Variants in TGM3 observed in about 807,000 individuals in gnomAD.
The protein encoded by TGM3 is transglutaminase 3, also known as protein-glutamine gamma-glutamyltransferase E.
A neutral mutation model predicts 73.8 loss-of-function variants in TGM3; 52 were observed. The ratio of observed to expected loss-of-function variants is 0.70; its 90% CI spans 0.56 to 0.89. The LOEUF (loss-of-function observed/expected upper bound fraction) is 0.89, where lower values mean the gene tolerates loss of function less well. Among genes scored for constraint, TGM3 ranks in the 40% least tolerant of loss-of-function variants. The pLI, the probability that TGM3 is intolerant of heterozygous loss-of-function variation, is 0.00. For synonymous variants in TGM3, 372 were observed against 354.9 expected (o/e 1.05, Z -0.54); for missense variants, 928 against 909.9 (o/e 1.02, Z -0.26).
intron 7 of TGM3, among the ~76,000 whole-genome samples, chr20:2,319,577 C>G (rs373079340): frequency 2.6e-5 from 4 of 152,312 alleles, no homozygotes; most frequent in South Asian, 2.1e-4. Flanking sequence ...CTTAACATCA[C>G]CTTTGGGACA....
At position 2,310,395 on chromosome 20, in the gene TGM3, G is replaced by A. The variant is rs2084197499; in HGVS notation, c.399G>A (p.Leu133=). 1 of 1,614,086 alleles carries A rather than the reference G, an allele frequency of 6.2e-7. No homozygotes were observed. The highest frequency in any genetic ancestry group is 1.7e-5 in the Admixed American group (1 of 60,016). Residue 133 remains leucine, a synonymous_variant, in exon 3 of 13, where the codon CTG becomes CTA. Transcript: ENST00000381458. ...CTGTGAAACTTGGGACGTTCATACT[G>A]CTTTTTAACCCCTGGCTGAATGGTA... is the stretch of plus-strand genomic sequence containing the variant. The part of the protein sequence containing the change: ...ISSVKLGTFI[L]LFNPWLNVDS...
chr20:2,325,476 G>A (rs983611504), intron 7 of TGM3, among the ~76,000 whole-genome samples: 1 of 152,178 alleles, frequency 6.6e-6, no homozygotes, highest in Admixed American at 6.5e-5. Context: ...AGCTGTGTGG[G>A]TTTGCCCCTG....
chr20:2,319,630 T>C (rs567011509), intron 7 of TGM3, among the ~76,000 whole-genome samples: 5 of 152,182 alleles, frequency 3.3e-5, no homozygotes, highest in African/African-American at 1.2e-4. Flanking sequence ...TCTGTGGTCA[T>C]TTCTGTGGCC....
At chr20:2,337,968 A>G (rs1018052471) in intron 11 of TGM3, among the ~76,000 whole-genome samples, 1 of 152,154 alleles carries the variant, frequency 6.6e-6, no homozygotes, top group Non-Finnish European at 1.5e-5. Flanking sequence ...ATGACTCCTG[A>G]TCTTCCTTCT....
chr20:2,317,262 G>A lies in TGM3; in HGVS notation c.847+17G>A, dbSNP rs756238647. ...TCAACACAGGTACCTTGGGTGTGGT[G>A]TGCCTTGGCTGGGTCAGTGGGTGGC... is the stretch of plus-strand genomic sequence containing the variant. On this transcript the variant is annotated intron_variant, in intron 6 of 12. Coordinates refer to ENST00000381458, the MANE Select transcript of TGM3 (RefSeq NM_003245.4). The A allele has an allele frequency of 1.9e-6, 3 of 1,613,910 alleles. No individual in the cohort carries two copies. Among genetic ancestry groups the A allele is most frequent in the Non-Finnish European group, 2.5e-6 (3 of 1,179,816 alleles).
At chr20:2,340,339 G>A in intron 12 of TGM3, 95 bp from the exon 13 acceptor site, 5 of 1,538,058 alleles carry the variant, frequency 3.3e-6, no homozygotes, top group Middle Eastern at 4.3e-4. Context: ...GCCTTGCCCA[G>A]CCTCCATCAG....
At chr20:2,320,811 A>C (rs1355308672) in intron 7 of TGM3, among the ~76,000 whole-genome samples, 1 of 152,158 alleles carries the variant, frequency 6.6e-6, no homozygotes, top group Non-Finnish European at 1.5e-5. Flanking sequence ...CAGCCGAATG[A>C]TTTGGAACAG....
rs1385697488 is a variant in TGM3, at chr20:2,340,876, G to T, written c.*295G>T. The T allele has an allele frequency of 1.9e-6, 1 of 539,854 alleles. No homozygotes were observed. Among genetic ancestry groups the T allele is most frequent in the East Asian group, 4.8e-5 (1 of 20,750 alleles). The allele number at this position is 539,854 out of a possible 1,614,324, so 33.4% of individuals were successfully genotyped here. A position where few individuals can be genotyped will look rare whatever the true frequency, so the allele number is the denominator to read the frequency against. On this transcript the variant is annotated 3_prime_UTR_variant, in exon 13 of 13. Coordinates refer to ENST00000381458, the MANE Select transcript of TGM3 (RefSeq NM_003245.4). The stretch of plus-strand genomic sequence containing the variant: ...CTCATTCCTCACGCCCTTCAATGCT[G>T]CAGGATGGACTGGCCCCTGACCCAG...
At chr20:2,312,396 CAAAA>C (rs57369938) in intron 4 of TGM3, among the ~76,000 whole-genome samples, 4 of 60,476 alleles carry the variant, frequency 6.6e-5, no homozygotes, top group Non-Finnish European at 1.2e-4. Context: ...GACTCCGTCT[CAAAA>C]AAAAAAAAAA....
At chr20:2,300,882 T>G (rs978330342) in intron 1 of TGM3, among the ~76,000 whole-genome samples, 6 of 152,068 alleles carry the variant, frequency 3.9e-5, no homozygotes, top group African/African-American at 1.4e-4. Context: ...TCCCCCAATC[T>G]CTGGGGGCCC....
chr20:2,311,012 G>A lies in TGM3; in HGVS notation c.423G>A (p.Val141=). 6.2e-7 allele frequency: 1 copy of A among 1,612,556 alleles called. No homozygotes were observed. Among genetic ancestry groups the A allele is most frequent in the Non-Finnish European group, 8.5e-7 (1 of 1,178,584 alleles). ...FILLFNPWLN[V]DSVFMGNHAE... ...GTGTCTGCTTTTTGTATCAAATAGT[G>A]GATAGCGTCTTTATGGGTAACCACG... Residue 141 remains valine, a splice_region_variant and synonymous_variant, in exon 4 of 13, where the codon GTG becomes GTA. Coordinates refer to ENST00000381458, the MANE Select transcript of TGM3 (RefSeq NM_003245.4).
chr20:2,319,158 C>T (rs2084250560), intron 7 of TGM3, among the ~76,000 whole-genome samples: 3 of 152,160 alleles, frequency 2.0e-5, no homozygotes, highest in Admixed American at 6.5e-5. Context: ...AAAATCCCAT[C>T]GCAACCAGCT....
chr20:2,320,553 G>A (rs2084256901), intron 7 of TGM3, among the ~76,000 whole-genome samples: 1 of 152,120 alleles, frequency 6.6e-6, no homozygotes, highest in South Asian at 2.1e-4. Flanking sequence ...CCAGATCAGG[G>A]GACCTCAGTG....
chr20:2,328,769 G>A lies in TGM3; in HGVS notation c.1333+404G>A, dbSNP rs1228422572. On this transcript the variant is annotated intron_variant, in intron 9 of 12. Transcript: ENST00000381458. This position sits in a 1 kb window ranked among gnomAD's most constrained non-coding sequence, Gnocchi z 5.2. The stretch of plus-strand genomic sequence containing the variant: ...TCCCTTAGCCTCTGAGAAACTCAGG[G>A]AGAAAACCATCTGAACGAAGAAAGG... 6.6e-6 allele frequency among the ~76,000 whole-genome samples: 1 copy of A among 152,242 alleles called. No homozygotes were observed. Among genetic ancestry groups the A allele is most frequent in the African/African-American group, 2.4e-5 (1 of 41,464 alleles).
intron 7 of TGM3, among the ~76,000 whole-genome samples, chr20:2,321,837 T>A (rs908137338): frequency 1.3e-5 from 2 of 152,236 alleles, no homozygotes; most frequent in African/African-American, 2.4e-5. Flanking sequence ...TATTTCTGTG[T>A]AACTGAAGTG....
chr20:2,340,040 G>GGGGGGGGGGGGGC, intron 12 of TGM3, 53 bp downstream of exon 12: 1 of 944,842 alleles, frequency 1.1e-6, no homozygotes, highest in Non-Finnish European at 1.6e-6. Flanking sequence ...GGGCGGGGGG[G>GGGGGGGGGGGGGC]CCCTCCAGAT....
chr20:2,312,894 A>G lies in TGM3; in HGVS notation c.541-4A>G. 1 of 1,614,078 alleles carries G rather than the reference A, an allele frequency of 6.2e-7. No individual in the cohort carries two copies. Among genetic ancestry groups the G allele is most frequent in the African/African-American group, 1.3e-5 (1 of 75,020 alleles). ...ATTGTAATGTATGGTCTCGTTCTGA[A>G]CAGTTTGAAGAAGACATTCTCAGCA... is the stretch of plus-strand genomic sequence containing the variant. On this transcript the variant is annotated splice_polypyrimidine_tract_variant and splice_region_variant and intron_variant, in intron 4 of 12. Transcript: ENST00000381458.
At chr20:2,315,467 G>A (rs1041093813) in intron 5 of TGM3, among the ~76,000 whole-genome samples, 5 of 152,228 alleles carry the variant, frequency 3.3e-5, no homozygotes, top group Admixed American at 1.3e-4. Flanking sequence ...GGACCTCCTG[G>A]AAGGGGTGCA....
At chr20:2,331,939 A>G in intron 9 of TGM3, 63 bp from the exon 10 acceptor site, 1 of 1,544,638 alleles carries the variant, frequency 6.5e-7, no homozygotes, top group Non-Finnish European at 8.7e-7. Context: ...CAGGCAGGGT[A>G]CTGTCCTTTG....
Sources: allele counts gnomAD v4.1 joint callset (sites outside exome capture counted in the v4.1 genomes callset), GRCh38; gene constraint gnomAD v4.1.1; non-coding constraint Gnocchi (gnomAD v3.1); transcripts MANE v1.5; gene names NCBI Gene and HGNC (gene_info 2026-07-23, HGNC 2026-07-21).